CA10: variants seen among roughly 807,000 people sequenced by gnomAD.
CA10 encodes the protein carbonic anhydrase-related protein 10.
Under a neutral mutation model 44.2 loss-of-function variants are expected in CA10, and 14 were observed. The observed-to-expected ratio is 0.32, with a 90% CI of 0.21 to 0.50. The LOEUF (loss-of-function observed/expected upper bound fraction) is 0.50. Among genes scored for constraint, CA10 ranks in the 20% least tolerant of loss-of-function variants. The pLI is 0.99. For missense variants in CA10, 350 were observed against 409.7 expected (o/e 0.85, Z 1.26); for synonymous variants, 159 against 141.6 (o/e 1.12, Z -0.87).
chr17:51,917,309 C>A (rs547612503), intron 3 of CA10, among the ~76,000 whole-genome samples: 2 of 105,948 alleles, frequency 1.9e-5, no homozygotes, highest in South Asian at 3.6e-4. Context: ...ACAGGAGACA[C>A]CTTGCCTGGG....
At chr17:52,039,310 A>C (rs370291669) in intron 2 of CA10, among the ~76,000 whole-genome samples, 128 of 151,714 alleles carry the variant, frequency 8.4e-4, no homozygotes, top group African/African-American at 2.9e-3. Context: ...GGGATTAAAA[A>C]AATACTTCCA....
intron 2 of CA10, among the ~76,000 whole-genome samples, chr17:51,985,314 A>T (rs1984794190): frequency 6.6e-6 from 1 of 152,054 alleles, no homozygotes; most frequent in South Asian, 2.1e-4. Flanking sequence ...AAAATCCAGC[A>T]CTCCATTATG....
intron 3 of CA10, among the ~76,000 whole-genome samples, chr17:51,911,428 A>C (rs1037908715): frequency 6.6e-6 from 1 of 152,170 alleles, no homozygotes; most frequent in African/African-American, 2.4e-5. Flanking sequence ...GCAAATGAAG[A>C]GTTAGAGAAA....
chr17:51,878,906 G>GTGTGTGTA (rs1237302475), intron 3 of CA10, among the ~76,000 whole-genome samples: 1 of 119,524 alleles, frequency 8.4e-6, no homozygotes, highest in Non-Finnish European at 1.7e-5. Context: ...GTGTGTGTGT[G>GTGTGTGTA]TGTGTGTATG....
intron 2 of CA10, among the ~76,000 whole-genome samples, chr17:51,953,080 C>G (rs1313677432): frequency 6.6e-6 from 1 of 152,128 alleles, no homozygotes; most frequent in Non-Finnish European, 1.5e-5. Flanking sequence ...AAGTCTTATA[C>G]AAACTTTCCT....
intron 4 of CA10, among the ~76,000 whole-genome samples, chr17:51,654,035 G>A (rs1275372809): frequency 6.6e-6 from 1 of 152,252 alleles, no homozygotes; most frequent in Non-Finnish European, 1.5e-5. Flanking sequence ...TAAAGCGTGT[G>A]TAAAGTGAAT....
At chr17:51,850,956 G>A (rs2143822929) in intron 3 of CA10, among the ~76,000 whole-genome samples, 1 of 152,314 alleles carries the variant, frequency 6.6e-6, no homozygotes, top group Admixed American at 6.5e-5. Flanking sequence ...GGAATTCACA[G>A]TTTAAAGGGC....
chr17:51,879,914 T>C (rs1422441955), intron 3 of CA10, among the ~76,000 whole-genome samples: 1 of 152,236 alleles, frequency 6.6e-6, no homozygotes. Context: ...ATTTTCTGTA[T>C]GCTTTGATAT....
chr17:51,750,831 C>G (rs1317590545), intron 3 of CA10, among the ~76,000 whole-genome samples: 3 of 152,196 alleles, frequency 2.0e-5, no homozygotes, highest in African/African-American at 7.2e-5. Flanking sequence ...CTTGGGCTTC[C>G]TAACACTTCT....
chr17:51,929,673 A>C (rs890810681), intron 3 of CA10, among the ~76,000 whole-genome samples: 1 of 141,232 alleles, frequency 7.1e-6, no homozygotes, highest in Non-Finnish European at 1.5e-5. Context: ...TGACCAGCGA[A>C]CTCACACGTG....
intron 4 of CA10, among the ~76,000 whole-genome samples, chr17:51,679,263 TC>T (rs1567800392): frequency 1.7e-5 from 2 of 117,690 alleles, no homozygotes; most frequent in African/African-American, 6.6e-5. Flanking sequence ...TTTTTCTTTC[TC>T]TTTTTTTTTT....
At chr17:51,639,354 A>T (rs1912979813) in intron 6 of CA10, among the ~76,000 whole-genome samples, 3 of 152,140 alleles carry the variant, frequency 2.0e-5, no homozygotes, top group Admixed American at 2.0e-4. Context: ...TCCAGGCATG[A>T]CTGGAGTAAA....
intron 1 of CA10, among the ~76,000 whole-genome samples, chr17:52,105,571 T>C (rs1414716253): frequency 6.6e-6 from 1 of 152,206 alleles, no homozygotes; most frequent in African/African-American, 2.4e-5. Context: ...CTCACTACCA[T>C]ATTACTTTGA....
intron 4 of CA10, among the ~76,000 whole-genome samples, chr17:51,697,085 GAAA>G (rs60585641): frequency 7.2e-6 from 1 of 139,086 alleles, no homozygotes; most frequent in African/African-American, 2.6e-5. Flanking sequence ...GCAACGTAAT[GAAA>G]AAAAAAAAAA....
chr17:51,679,868 T>C (rs962312247), intron 4 of CA10, among the ~76,000 whole-genome samples: 2 of 152,170 alleles, frequency 1.3e-5, no homozygotes, highest in African/African-American at 4.8e-5. Context: ...TTTTAAATGG[T>C]TGGGAAAAAA....
chr17:52,005,415 G>A (rs144985575), intron 2 of CA10, among the ~76,000 whole-genome samples: 314 of 151,954 alleles, frequency 2.1e-3, no homozygotes, highest in African/African-American at 7.2e-3. Context: ...GAAGAAGGTG[G>A]GCAGTCCACC....
chr17:52,139,607 CA>C, intron 1 of CA10, among the ~76,000 whole-genome samples: 1 of 152,064 alleles, frequency 6.6e-6, no homozygotes, highest in Admixed American at 6.5e-5. Flanking sequence ...CCTTTTTCTA[CA>C]AAATGTTGAT....
At chr17:51,866,200 T>G (rs553304104) in intron 3 of CA10, among the ~76,000 whole-genome samples, 8 of 152,298 alleles carry the variant, frequency 5.3e-5, no homozygotes, top group Admixed American at 4.6e-4. Context: ...GGACTACTGC[T>G]CCCATGTCTG....
chr17:52,011,239 G>A (rs200756512), intron 2 of CA10, among the ~76,000 whole-genome samples: 4 of 129,798 alleles, frequency 3.1e-5, no homozygotes, highest in African/African-American at 9.9e-5. Flanking sequence ...TTATTATTAT[G>A]AGGATGATGA....
Sources: gnomAD v4.1 joint callset for allele counts (sites outside exome capture counted in the v4.1 genomes callset) on GRCh38, gnomAD v4.1.1 for gene constraint, MANE v1.5 for transcripts, NCBI Gene and HGNC (gene_info 2026-07-23, HGNC 2026-07-21) for gene names.